CSMD2: variants seen among roughly 807,000 people sequenced by gnomAD.
CSMD2 encodes the protein CUB and sushi domain-containing protein 2.
A neutral mutation model predicts 398.5 loss-of-function variants in CSMD2; 130 were observed. The observed-to-expected ratio is 0.33, with a 90% CI of 0.28 to 0.38. CSMD2 has a LOEUF of 0.38. CSMD2 is among the 10% of genes least tolerant of loss of function. The pLI, the probability that CSMD2 is intolerant of heterozygous loss-of-function variation, is 1.00. For synonymous variants in CSMD2, 1,828 were observed against 1,908.5 expected (o/e 0.96, Z 1.10); for missense variants, 3,829 against 4,764.9 (o/e 0.80, Z 5.78).
intron 13 of CSMD2, among the ~76,000 whole-genome samples, chr1:33,745,362 A>G (rs746855877): frequency 1.3e-5 from 2 of 152,214 alleles, no homozygotes; most frequent in Non-Finnish European, 2.9e-5. Flanking sequence ...TTTAATATAT[A>G]CAAGCATAAA....
At chr1:33,915,324 G>C (rs188610060) in intron 5 of CSMD2, among the ~76,000 whole-genome samples, 103 of 152,252 alleles carry the variant, frequency 6.8e-4, no homozygotes, top group Middle Eastern at 3.4e-3. Context: ...TAAAGGAGAG[G>C]GGCAAGGGAG....
chr1:34,076,329 T>C (rs1656326403), intron 2 of CSMD2, among the ~76,000 whole-genome samples: 1 of 152,230 alleles, frequency 6.6e-6, no homozygotes, highest in Non-Finnish European at 1.5e-5. Context: ...CCCAGGTATG[T>C]CTTATGCTAA....
chr1:34,041,933 A>C (rs558149883), intron 2 of CSMD2, among the ~76,000 whole-genome samples: 48 of 152,306 alleles, frequency 3.2e-4, no homozygotes, highest in African/African-American at 1.1e-3. Context: ...TTAATCCCTC[A>C]AATATTTACT....
intron 68 of CSMD2, 54 bp downstream of exon 68, chr1:33,521,409 G>A (rs913585673): frequency 8.7e-7 from 1 of 1,151,172 alleles, no homozygotes; most frequent in Non-Finnish European, 1.3e-6. Flanking sequence ...CGGCACACAC[G>A]GTTTCTCTCC....
intron 64 of CSMD2, among the ~76,000 whole-genome samples, chr1:33,529,616 A>G (rs1655072703): frequency 6.6e-6 from 1 of 152,222 alleles, no homozygotes; most frequent in South Asian, 2.1e-4. Flanking sequence ...CTAACCTAAT[A>G]TCATAAAAAA....
intron 25 of CSMD2, among the ~76,000 whole-genome samples, chr1:33,675,488 T>G (rs1037093184): frequency 1.2e-4 from 18 of 152,032 alleles, no homozygotes; most frequent in African/African-American, 4.1e-4. Flanking sequence ...ACCAAAAAAG[T>G]CCAGGACCAG....
intron 48 of CSMD2, among the ~76,000 whole-genome samples, 159 bp from the exon 49 acceptor site, chr1:33,577,643 A>G (rs1404032410): frequency 6.6e-6 from 1 of 152,174 alleles, no homozygotes; most frequent in Non-Finnish European, 1.5e-5. Context: ...GGATATTGAA[A>G]AACACCCAGT....
At chr1:33,853,109 T>C (rs1030019405) in intron 5 of CSMD2, among the ~76,000 whole-genome samples, 2 of 152,216 alleles carry the variant, frequency 1.3e-5, no homozygotes, top group African/African-American at 4.8e-5. Flanking sequence ...TGTAAAACAC[T>C]TAAGCATACA....
chr1:33,807,901 G>C (rs1346446052), intron 10 of CSMD2, among the ~76,000 whole-genome samples: 2 of 152,048 alleles, frequency 1.3e-5, no homozygotes, highest in African/African-American at 4.8e-5. Context: ...AAAGCACAAG[G>C]AAGTCGAAAA....
chr1:33,680,005 C>T (rs568235599), intron 25 of CSMD2, among the ~76,000 whole-genome samples: 190 of 151,912 alleles, frequency 1.3e-3, no homozygotes, highest in Non-Finnish European at 2.4e-3. Flanking sequence ...ACTGCAAGCT[C>T]TGCCTCCCGG....
chr1:33,851,999 T>G (rs1223615353), intron 5 of CSMD2, among the ~76,000 whole-genome samples: 1 of 152,082 alleles, frequency 6.6e-6, no homozygotes, highest in Non-Finnish European at 1.5e-5. Context: ...CCTTTAAAGA[T>G]TCAATTCCCG....
intron 5 of CSMD2, among the ~76,000 whole-genome samples, chr1:33,901,920 GGGCAGA>G (rs1642783008): frequency 1.3e-5 from 2 of 152,122 alleles, no homozygotes; most frequent in Non-Finnish European, 2.9e-5. Context: ...ATTTCATAAT[GGGCAGA>G]ATCTACTTCC....
intron 47 of CSMD2, among the ~76,000 whole-genome samples, chr1:33,582,278 G>A (rs1330635407): frequency 6.6e-6 from 1 of 152,198 alleles, no homozygotes; most frequent in Non-Finnish European, 1.5e-5. Context: ...AGCTGGGAGA[G>A]CCTGGCCTAC....
chr1:33,912,746 C>A (rs1040570514), intron 5 of CSMD2, among the ~76,000 whole-genome samples: 1 of 152,170 alleles, frequency 6.6e-6, no homozygotes, highest in Non-Finnish European at 1.5e-5. Context: ...AGTACCTCTG[C>A]TTTCCTAGTC....
intron 44 of CSMD2, among the ~76,000 whole-genome samples, chr1:33,591,217 A>G (rs1220506301): frequency 1.3e-5 from 2 of 151,766 alleles, no homozygotes; most frequent in Non-Finnish European, 2.9e-5. Context: ...AGAACTGCCA[A>G]CCTCAGGTGA....
In CSMD2 at chr1:33,819,821, G is replaced by C; in HGVS notation, c.1216C>G (p.Gln406Glu). Residue 406 changes from glutamine (Q) to glutamate (E), a missense_variant, in exon 9 of 71, where the codon CAG becomes GAG. Gln to Glu is a conservative substitution (Grantham distance 29). Coordinates refer to ENST00000373381, the MANE Select transcript of CSMD2 (RefSeq NM_001281956.2). ...TCATAGCCCTCGTTGCAGGTGAACT[G>C]GACGCTGGATCCTAACCTGGGAGAC... is the stretch of plus-strand genomic sequence containing the variant. ...GSDFRLGSSV[Q>E]FTCNEGYDLQ... 12 of 1,614,122 alleles carry C rather than the reference G, an allele frequency of 7.4e-6. No homozygotes were observed. The highest frequency in any genetic ancestry group is 1.0e-5 in the Non-Finnish European group (12 of 1,179,996).
At position 33,801,050 on chromosome 1, in the gene CSMD2, T is replaced by C. The variant is rs150612456; in HGVS notation, c.1447-8524A>G. Among the ~76,000 whole-genome samples the C allele has an allele frequency of 5.3e-5, 8 of 152,314 alleles. No individual in the cohort carries two copies. The South Asian group carries it at 1.7e-3, about 32-fold the overall frequency. ...GATCACCTGCCTGGAGAATTAATTC[T>C]CAGTTCTTCAGGTCTACAAAGGAAA... On this transcript the variant is annotated intron_variant, in intron 10 of 70. Coordinates refer to ENST00000373381, the MANE Select transcript of CSMD2 (RefSeq NM_001281956.2).
rs190998147 is a variant in CSMD2, at chr1:34,022,631, A to C, written c.517+9963T>G. ...GTTTAGGCAGAGAACAGAAGAGAAG[A>C]GTTGGGTGGTAGTGGTGAGGTGGTT... On this transcript the variant is annotated intron_variant, in intron 3 of 70. Transcript: ENST00000373381. Among the ~76,000 whole-genome samples the C allele has an allele frequency of 3.1e-4, 47 of 152,264 alleles. No individual in the cohort carries two copies. The East Asian group carries it at 7.9e-3, about 26-fold the overall frequency.
chr1:33,945,891 A>G (rs1558143913), intron 3 of CSMD2, among the ~76,000 whole-genome samples: 1 of 152,212 alleles, frequency 6.6e-6, no homozygotes, highest in Non-Finnish European at 1.5e-5. Flanking sequence ...GTGGTACCCT[A>G]TGGTGAAACA....
Sources: allele counts gnomAD v4.1 joint callset (sites outside exome capture counted in the v4.1 genomes callset), GRCh38; gene constraint gnomAD v4.1.1; transcripts MANE v1.5; gene names NCBI Gene and HGNC (gene_info 2026-07-23, HGNC 2026-07-21).